CTNNA3: variants seen among roughly 807,000 people sequenced by gnomAD.
CTNNA3 encodes the protein catenin alpha 3.
CTNNA3 carries 76 observed loss-of-function variants against 95.7 expected under a neutral mutation model. The ratio of observed to expected loss-of-function variants is 0.79; its 90% confidence interval spans 0.66 to 0.96. CTNNA3 has a LOEUF of 0.96. CTNNA3 is among the 40% of genes least tolerant of loss of function. CTNNA3 has a pLI of 0.00. For synonymous variants in CTNNA3, 431 were observed against 374.4 expected, an observed-to-expected ratio of 1.15 and a Z score of -1.74; for missense variants, 1,191 against 1,089.8, an observed-to-expected ratio of 1.09 and a Z score of -1.31.
At chr10:66,319,079 T>C (rs1238690196) in intron 12 of CTNNA3, among the ~76,000 whole-genome samples, 2 of 152,098 alleles carry the variant, frequency 1.3e-5, no homozygotes, top group Non-Finnish European at 2.9e-5. Context: ...AATCCACTTT[T>C]ATAAAGTATG....
At chr10:66,778,135 C>T (rs1214176276) in intron 7 of CTNNA3, among the ~76,000 whole-genome samples, 1 of 152,168 alleles carries the variant, frequency 6.6e-6, no homozygotes, top group African/African-American at 2.4e-5. Flanking sequence ...GGTCTCCCTT[C>T]TTGCTTTTTT....
chr10:66,739,247 A>AAAAAC lies in CTNNA3; in HGVS notation c.1281+27012_1281+27016dup, dbSNP rs576650679. Among the ~76,000 whole-genome samples, 455 of 152,268 alleles carry AAAAAC rather than the reference A, an allele frequency of 3.0e-3. 6 individuals carry two copies. The highest frequency in any genetic ancestry group is 9.8e-4 in the Non-Finnish European group (67 of 68,026). On this transcript the variant is annotated intron_variant, in intron 9 of 17. Transcript: ENST00000433211. Reference sequence around the variant, plus strand: ...CATCAGAATCACCTGGAGGACTTGTAAAAACAAAACAAAACAGATTGCTGT... The same window carrying AAAAAC: ...CATCAGAATCACCTGGAGGACTTGTAAAAACAAAACAAAACAAAACAGATTGCTGT...
chr10:66,160,261 G>A (rs1379397493), intron 13 of CTNNA3, among the ~76,000 whole-genome samples: 1 of 151,892 alleles, frequency 6.6e-6, no homozygotes, highest in Non-Finnish European at 1.5e-5. Flanking sequence ...TCCTTGAGGT[G>A]TGACTTTAGA....
chr10:66,065,342 C>A (rs918789570), intron 15 of CTNNA3, among the ~76,000 whole-genome samples: 1 of 151,194 alleles, frequency 6.6e-6, no homozygotes. Context: ...CTCCCCATTT[C>A]CTCTTTCCCT....
At chr10:66,353,077 G>A (rs1480231043) in intron 12 of CTNNA3, among the ~76,000 whole-genome samples, 3 of 151,734 alleles carry the variant, frequency 2.0e-5, no homozygotes, top group Non-Finnish European at 2.9e-5. Context: ...AAAGGTAGCC[G>A]GTTTTATCTT....
At chr10:66,165,449 G>T (rs1450734101) in intron 13 of CTNNA3, among the ~76,000 whole-genome samples, 1 of 152,010 alleles carries the variant, frequency 6.6e-6, no homozygotes, top group Non-Finnish European at 1.5e-5. Context: ...TAACAAACCT[G>T]CATATGTACC....
At position 66,743,482 on chromosome 10, in the gene CTNNA3, AGATACTC is replaced by A. The variant is rs1456273301; in HGVS notation, c.1281+22775_1281+22781del. ...ATGAGACTTTATCTGGGTTTATCTG[AGATACTC>A]TAAACCCATTTTGGGGAGATACTAG... On this transcript the variant is annotated intron_variant, in intron 9 of 17. Coordinates refer to ENST00000433211, the MANE Select transcript of CTNNA3 (RefSeq NM_013266.4). Among the ~76,000 whole-genome samples, 203 of 152,314 alleles carry A rather than the reference AGATACTC, an allele frequency of 1.3e-3. 2 individuals carry two copies. Among genetic ancestry groups the A allele is most frequent in the East Asian group, 1.7e-3 (9 of 5,174 alleles).
In CTNNA3 at chr10:65,920,005, T is replaced by C. The variant is rs2077057325; in HGVS notation, c.*325A>G. The C allele has an allele frequency of 3.6e-6, 1 of 276,862 alleles. No individual in the cohort carries two copies. Among genetic ancestry groups the C allele is most frequent in the South Asian group, 5.6e-5 (1 of 17,868 alleles). 17.2% of individuals were successfully genotyped at this position (276,862 alleles called of 1,614,324 possible). Reference sequence around the variant, plus strand: ...ATAAGTGTACATGAAGTATTACAGATAAACAGGACTCTCTGGCCTCTCCTG... The same window carrying C: ...ATAAGTGTACATGAAGTATTACAGACAAACAGGACTCTCTGGCCTCTCCTG... On this transcript the variant is annotated 3_prime_UTR_variant, in exon 18 of 18. Transcript: ENST00000433211.
At chr10:66,092,747 C>G (rs12572891) in intron 14 of CTNNA3, among the ~76,000 whole-genome samples, 5,106 of 151,846 alleles carry the variant, frequency 0.034, 121 homozygotes, top group East Asian at 0.07. Context: ...TACCAACGTT[C>G]TACTCTATAA....
At chr10:66,186,741 A>G (rs1235942054) in intron 13 of CTNNA3, among the ~76,000 whole-genome samples, 3 of 152,176 alleles carry the variant, frequency 2.0e-5, no homozygotes, top group African/African-American at 4.8e-5. Context: ...ATCAATGAAG[A>G]CTATCAAGAA....
intron 13 of CTNNA3, among the ~76,000 whole-genome samples, chr10:66,276,868 T>A (rs1436456873): frequency 3.9e-5 from 6 of 152,098 alleles, no homozygotes; most frequent in Non-Finnish European, 8.8e-5. Context: ...GTAAGCATAA[T>A]AATCTTTTGA....
chr10:66,501,831 T>G (rs759657561), intron 11 of CTNNA3, among the ~76,000 whole-genome samples: 1 of 152,236 alleles, frequency 6.6e-6, no homozygotes, highest in African/African-American at 2.4e-5. Context: ...GATTTGCTTA[T>G]GAAGGGGCAA....
intron 9 of CTNNA3, among the ~76,000 whole-genome samples, chr10:66,688,616 G>T (rs552450124): frequency 1.2e-4 from 18 of 152,180 alleles, no homozygotes; most frequent in African/African-American, 4.1e-4. Context: ...CTCAGCAGAA[G>T]ATTTTTTGTT....
intron 5 of CTNNA3, among the ~76,000 whole-genome samples, chr10:67,420,676 T>C (rs1323751679): frequency 6.6e-6 from 1 of 152,156 alleles, no homozygotes; most frequent in African/African-American, 2.4e-5. Flanking sequence ...CAGAGTATTA[T>C]CTTTATTTTC....
chr10:66,900,589 C>A (rs1845699514), intron 7 of CTNNA3, among the ~76,000 whole-genome samples: 1 of 152,154 alleles, frequency 6.6e-6, no homozygotes, highest in South Asian at 2.1e-4. Flanking sequence ...GCTAAAAGAG[C>A]ATGTTCTAAC....
chr10:67,736,001 T>C (rs560583667), intron 1 of CTNNA3, among the ~76,000 whole-genome samples: 28 of 152,312 alleles, frequency 1.8e-4, no homozygotes, highest in African/African-American at 6.3e-4. Context: ...CCAATGTTCA[T>C]AGTAGCATTA....
intron 10 of CTNNA3, among the ~76,000 whole-genome samples, chr10:66,600,913 C>T (rs1843898736): frequency 6.6e-6 from 1 of 151,810 alleles, no homozygotes; most frequent in South Asian, 2.1e-4. Flanking sequence ...GAGAATTACA[C>T]AATTATGAGT....
intron 12 of CTNNA3, among the ~76,000 whole-genome samples, chr10:66,364,943 CG>C (rs1564900578): frequency 6.6e-6 from 1 of 152,074 alleles, no homozygotes; most frequent in African/African-American, 2.4e-5. Flanking sequence ...CACAGTATTC[CG>C]TACTATCAAT....
chr10:67,648,165 A>G (rs547528266), intron 1 of CTNNA3, among the ~76,000 whole-genome samples: 1 of 152,336 alleles, frequency 6.6e-6, no homozygotes, highest in African/African-American at 2.4e-5. Context: ...AAGAATTGCA[A>G]GCCATTCTCT....
Sources: gnomAD v4.1 joint callset for allele counts (sites outside exome capture counted in the v4.1 genomes callset) on GRCh38, gnomAD v4.1.1 for gene constraint, MANE v1.5 for transcripts, NCBI Gene and HGNC (gene_info 2026-07-23, HGNC 2026-07-21) for gene names.